The following COL18A1 variants were observed in gnomAD, a reference collection of about 807,000 sequenced individuals.
The protein encoded by COL18A1 is collagen type XVIII alpha 1 chain, also known as collagen alpha-1(XVIII) chain.
In COL18A1, 133 loss-of-function variants were observed where a neutral mutation model predicts 168.0. The ratio of observed to expected loss-of-function variants is 0.79; its 90% CI spans 0.69 to 0.91. The LOEUF (loss-of-function observed/expected upper bound fraction) is 0.91, where lower values mean the gene tolerates loss of function less well. COL18A1 is among the 40% of genes least tolerant of loss of function. The pLI, the probability that COL18A1 is intolerant of heterozygous loss-of-function variation, is 0.00. For missense variants in COL18A1, 2,126 were observed against 1,925.4 expected (o/e 1.10, Z -1.95); for synonymous variants, 949 against 809.0 (o/e 1.17, Z -2.94).
chr21:45,488,938 G>C (rs1602528654), intron 18 of COL18A1, among the ~76,000 whole-genome samples: 2 of 151,206 alleles, frequency 1.3e-5, no homozygotes, highest in South Asian at 4.2e-4. Flanking sequence ...TCCCAGGGCA[G>C]GTGCCTGAGC....
At chr21:45,460,457 C>G (rs2035003495) in intron 2 of COL18A1, among the ~76,000 whole-genome samples, 1 of 152,202 alleles carries the variant, frequency 6.6e-6, no homozygotes, top group Non-Finnish European at 1.5e-5. Flanking sequence ...CCTCCACCCC[C>G]ATCACTGGAC....
At position 45,486,962 on chromosome 21, in the gene COL18A1, GC is replaced by G; in HGVS notation, c.1808del (p.Pro603GlnfsTer121). On this transcript the variant is annotated frameshift_variant, in exon 16 of 42. Transcript: ENST00000651438. LOFTEE classifies it high-confidence loss of function. ...CACCAGGCCCCCCTGGGCCCCCTGG[GC>G]CCCCAGGACCAGGACTCCCCGCTGG... ...GPPGPPGPPG[P>X]PGPGLPAGFD... 2 of 1,505,778 alleles carry G rather than the reference GC, an allele frequency of 1.3e-6. No homozygotes were observed. Among genetic ancestry groups the G allele is most frequent in the Admixed American group, 2.3e-5 (1 of 44,204 alleles). 93.3% of individuals were successfully genotyped at this position (1,505,778 alleles called of 1,614,324 possible). A position where few individuals can be genotyped will look rare whatever the true frequency, so the allele number is the denominator to read the frequency against.
intron 22 of COL18A1, 45 bp downstream of exon 22, chr21:45,491,359 C>A (rs186120816): frequency 1.6e-6 from 2 of 1,256,992 alleles, no homozygotes; most frequent in Non-Finnish European, 2.3e-6. Context: ...CCAGACCCCC[C>A]ACGGGGTGCA....
intron 2 of COL18A1, among the ~76,000 whole-genome samples, chr21:45,414,055 T>TGGAGGA (rs1193769048): frequency 6.6e-6 from 1 of 152,014 alleles, no homozygotes; most frequent in Non-Finnish European, 1.5e-5. Flanking sequence ...CAGGAGGAGG[T>TGGAGGA]GGAGGAGGAG....
intron 2 of COL18A1, among the ~76,000 whole-genome samples, chr21:45,450,788 A>G (rs1471443588): frequency 6.6e-6 from 1 of 152,156 alleles, no homozygotes; most frequent in Non-Finnish European, 1.5e-5. Flanking sequence ...TCCCCACCGC[A>G]TCTCAGGCCT....
chr21:45,488,152 C>T (rs543759132), intron 17 of COL18A1, among the ~76,000 whole-genome samples: 2 of 152,388 alleles, frequency 1.3e-5, no homozygotes, highest in African/African-American at 2.4e-5. Context: ...CGTCCAGCTT[C>T]ATGCTCAGAG....
intron 15 of COL18A1, among the ~76,000 whole-genome samples, chr21:45,483,042 G>A (rs2035954999): frequency 6.6e-6 from 1 of 152,242 alleles, no homozygotes; most frequent in South Asian, 2.1e-4. Flanking sequence ...CTTTTGTGAT[G>A]TGGCTTCCGC....
At chr21:45,484,663 TACAC>T (rs3028015) in intron 15 of COL18A1, among the ~76,000 whole-genome samples, 31,524 of 151,552 alleles carry the variant, frequency 0.21, 3,262 homozygotes, top group Middle Eastern at 0.26. Context: ...TATGTGCACA[TACAC>T]ACACATGTAT....
intron 2 of COL18A1, chr21:45,456,256 G>T: frequency 6.4e-7 from 1 of 1,559,240 alleles, no homozygotes; most frequent in Non-Finnish European, 8.7e-7. Flanking sequence ...AAGGACTCTC[G>T]CCCGCCGCAG....
chr21:45,484,488 G>GCA (rs757634976), intron 15 of COL18A1, among the ~76,000 whole-genome samples: 34 of 145,322 alleles, frequency 2.3e-4, no homozygotes, highest in Non-Finnish European at 4.3e-4. Context: ...CAGCATATGT[G>GCA]CACACACACA....
intron 32 of COL18A1, 97 bp downstream of exon 32, chr21:45,497,758 C>A (rs541347093): frequency 6.7e-7 from 1 of 1,502,302 alleles, no homozygotes; most frequent in Non-Finnish European, 9.0e-7. Flanking sequence ...AGGTCCTGGA[C>A]CCTCACTGGG....
chr21:45,484,858 A>G (rs975805764), intron 15 of COL18A1, among the ~76,000 whole-genome samples: 7 of 152,344 alleles, frequency 4.6e-5, no homozygotes, highest in East Asian at 1.9e-4. Context: ...AAAATCAGCA[A>G]AATTAGATAT....
At chr21:45,475,429 T>G in intron 4 of COL18A1, 47 bp from the exon 5 acceptor site, 4 of 1,532,120 alleles carry the variant, frequency 2.6e-6, no homozygotes, top group Non-Finnish European at 3.5e-6. Context: ...GCTCGGGGCC[T>G]GGCCTGGCTG....
intron 9 of COL18A1, among the ~76,000 whole-genome samples, chr21:45,479,462 C>T (rs573678510): frequency 2.0e-5 from 3 of 152,278 alleles, no homozygotes; most frequent in South Asian, 4.1e-4. Context: ...ACATACCACA[C>T]GTGGATACAC....
At chr21:45,419,121 G>A (rs1402842994) in intron 2 of COL18A1, among the ~76,000 whole-genome samples, 1 of 152,222 alleles carries the variant, frequency 6.6e-6, no homozygotes, top group Non-Finnish European at 1.5e-5. Context: ...CAGAGGCTCT[G>A]GAGCTGGGCC....
chr21:45,452,808 G>C (rs1031855135), intron 2 of COL18A1, among the ~76,000 whole-genome samples: 3 of 151,852 alleles, frequency 2.0e-5, no homozygotes, highest in African/African-American at 7.3e-5. Flanking sequence ...ATATGTGATT[G>C]TGTATGCATG....
rs1199210950 is a variant in COL18A1 at position 45,423,497 on chromosome 21, C to T, written c.106+18024C>T. 2.6e-5 allele frequency among the ~76,000 whole-genome samples: 4 copies of T among 151,038 alleles called. No homozygotes were observed. The highest frequency in any genetic ancestry group is 3.9e-4 in the East Asian group (2 of 5,090). ...CACAGCTGGGCGCCCGCCCCCCGCC[C>T]CCCGCCCCCCGGAGGGCCCGGCTCC... On this transcript the variant is annotated intron_variant, in intron 2 of 41. Coordinates refer to ENST00000651438, the MANE Select transcript of COL18A1 (RefSeq NM_001379500.1). The surrounding 1 kb of genome is among the most constrained non-coding windows in gnomAD (Gnocchi z 4.0).
At chr21:45,488,917 G>A (rs1419751605) in intron 18 of COL18A1, among the ~76,000 whole-genome samples, 1 of 148,570 alleles carries the variant, frequency 6.7e-6, no homozygotes, top group East Asian at 2.1e-4. Flanking sequence ...ACCCCACCCA[G>A]GCCCCGAAGC....
chr21:45,508,745 A>G lies in COL18A1; in HGVS notation c.3250-611A>G, dbSNP rs575479770. Among the ~76,000 whole-genome samples the G allele has an allele frequency of 5.3e-5, 8 of 152,210 alleles. No individual in the cohort carries two copies. In the East Asian group the frequency reaches 1.5e-3, roughly 29 times the overall value. On this transcript the variant is annotated intron_variant, in intron 38 of 41. Coordinates refer to ENST00000651438, the MANE Select transcript of COL18A1 (RefSeq NM_001379500.1). ...GATTCATTCTTTCATTCAGCCAGTC[A>G]ATAGTCATGGCCCCTCCTGTGTGCC...
Sources: allele counts gnomAD v4.1 joint callset (sites outside exome capture counted in the v4.1 genomes callset), GRCh38; gene constraint gnomAD v4.1.1; non-coding constraint Gnocchi (gnomAD v3.1); transcripts MANE v1.5; gene names NCBI Gene and HGNC (gene_info 2026-07-23, HGNC 2026-07-21).